Variants in MEGF8 observed in about 807,000 individuals in gnomAD.
MEGF8 encodes the protein multiple epidermal growth factor-like domains protein 8.
MEGF8 carries 156 observed loss-of-function variants against 302.9 expected under a neutral mutation model. The observed-to-expected ratio is 0.52, with a 90% confidence interval of 0.45 to 0.59. MEGF8 has a LOEUF of 0.59. Ranked by LOEUF, MEGF8 falls within the 20% of genes least tolerant of loss-of-function variation. The pLI, the probability that MEGF8 is intolerant of heterozygous loss-of-function variation, is 0.00. For synonymous variants in MEGF8, 1,621 were observed against 1,660.5 expected, an observed-to-expected ratio of 0.98 and a Z score of 0.58; for missense variants, 3,345 against 3,964.5, an observed-to-expected ratio of 0.84 and a Z score of 4.20.
chr19:42,354,729 G>A lies in MEGF8; in HGVS notation c.4144+9G>A. The A allele has an allele frequency of 6.3e-7, 1 of 1,593,264 alleles. No homozygotes were observed. Reference sequence around the variant, plus strand: ...TGTTCAGGCCCTGTCTGGTACGGGGGCTAGGGGAAGTGGGACCTCTTAGTC... The same window carrying A: ...TGTTCAGGCCCTGTCTGGTACGGGGACTAGGGGAAGTGGGACCTCTTAGTC... On this transcript the variant is annotated intron_variant, in intron 23 of 41. Coordinates refer to ENST00000251268, the MANE Select transcript of MEGF8 (RefSeq NM_001271938.2). The surrounding 1 kb of genome is among the most constrained non-coding windows in gnomAD (Gnocchi z 4.3).
rs776180750 is a variant in MEGF8, at chr19:42,356,299, C to T, written c.4504-36C>T. ...CCCAGGCCTGGCACTTTGTCCTGAC[C>T]CTAGCCTGATCCCCAATGTCCGCAC... On this transcript the variant is annotated intron_variant, in intron 25 of 41. Transcript: ENST00000251268. The surrounding 1 kb of genome is among the most constrained non-coding windows in gnomAD (Gnocchi z 5.2). 1.9e-6 allele frequency: 3 copies of T among 1,591,800 alleles called. No homozygotes were observed. In the African/African-American group the frequency reaches 4.0e-5, roughly 21 times the overall value.
intron 1 of MEGF8, among the ~76,000 whole-genome samples, chr19:42,326,699 G>A (rs1160401932): frequency 1.3e-5 from 2 of 151,418 alleles, no homozygotes; most frequent in African/African-American, 4.9e-5. Context: ...CAGGGTCTGG[G>A]TCCAATCATT....
chr19:42,353,868 G>C lies in MEGF8; in HGVS notation c.3855G>C (p.Leu1285=). The change falls in exon 22 of 42, where the codon CTG becomes CTC. Residue 1285 remains leucine, a synonymous_variant. Coordinates refer to ENST00000251268, the MANE Select transcript of MEGF8 (RefSeq NM_001271938.2). This position sits in a 1 kb window ranked among gnomAD's most constrained non-coding sequence, Gnocchi z 6.1. ...VALGSRRVGG[L]LPPGGGAARA... Reference sequence around the variant, plus strand: ...TGGGCTCACGCCGGGTCGGGGGGCTGCTGCCTCCAGGTGGCGGGGCTGCAA... The same window carrying C: ...TGGGCTCACGCCGGGTCGGGGGGCTCCTGCCTCCAGGTGGCGGGGCTGCAA... 1 of 1,601,296 alleles carries C rather than the reference G, an allele frequency of 6.2e-7. No homozygotes were observed. Among genetic ancestry groups the C allele is most frequent in the Non-Finnish European group, 8.5e-7 (1 of 1,174,274 alleles).
rs912488220 is a variant in MEGF8, at chr19:42,376,726, G to A, written c.8489G>A (p.Gly2830Asp). Residue 2830 changes from glycine (G) to aspartate (D), a missense_variant, in exon 42 of 42, where the codon GGC becomes GAC. Gly to Asp is a moderately conservative substitution (Grantham distance 94). Transcript: ENST00000251268. The surrounding 1 kb of genome is among the most constrained non-coding windows in gnomAD (Gnocchi z 8.2). ...AGGSGHGTGA[G>D]RKGLLSQDNL... ...GGCAGTGGGCATGGGACTGGTGCGG[G>A]CCGGAAGGGACTGTTGAGCCAGGAC... is the stretch of plus-strand genomic sequence containing the variant. 1.5e-5 allele frequency: 22 copies of A among 1,484,688 alleles called. No homozygotes were observed. The highest frequency in any genetic ancestry group is 1.9e-5 in the Non-Finnish European group (21 of 1,118,734). The allele number at this position is 1,484,688 out of a possible 1,614,324, so 92.0% of individuals were successfully genotyped here.
intron 14 of MEGF8, 112 bp from the exon 15 acceptor site, chr19:42,350,036 C>G (rs767318700): frequency 2.2e-5 from 18 of 826,160 alleles, no homozygotes; most frequent in Non-Finnish European, 3.5e-5. Flanking sequence ...ATCCTGACTT[C>G]CTATGTGCCT....
rs2039498165 is a variant in MEGF8 at position 42,359,253 on chromosome 19, A to G, written c.5488+11A>G. 1 of 1,540,542 alleles carries G rather than the reference A, an allele frequency of 6.5e-7. No homozygotes were observed. Among genetic ancestry groups the G allele is most frequent in the Non-Finnish European group, 8.8e-7 (1 of 1,142,072 alleles). ...TGCCCGACCTCACCCGTAAGTCCCC[A>G]TTGTGGCTCCCAGGAGGCTGAGGGA... On this transcript the variant is annotated intron_variant, in intron 31 of 41. Coordinates refer to ENST00000251268, the MANE Select transcript of MEGF8 (RefSeq NM_001271938.2).
chr19:42,328,626 C>G (rs1484197228), intron 1 of MEGF8, among the ~76,000 whole-genome samples: 2 of 142,774 alleles, frequency 1.4e-5, no homozygotes, highest in Admixed American at 1.4e-4. Flanking sequence ...AAATCACTCT[C>G]TGGCCTTAAA....
In MEGF8 at chr19:42,354,757, G is replaced by A; in HGVS notation, c.4144+37G>A. On this transcript the variant is annotated intron_variant, in intron 23 of 41. Transcript: ENST00000251268. This position sits in a 1 kb window ranked among gnomAD's most constrained non-coding sequence, Gnocchi z 4.3. ...AGGGGAAGTGGGACCTCTTAGTCCT[G>A]GGCTATGTATCCCTTGCCCCTGAAC... is the stretch of plus-strand genomic sequence containing the variant. 4.5e-6 allele frequency: 7 copies of A among 1,571,282 alleles called. No individual in the cohort carries two copies. The highest frequency in any genetic ancestry group is 6.0e-6 in the Non-Finnish European group (7 of 1,159,492).
Position 42,368,151 on chromosome 19 carries a change from C to T in MEGF8, c.6274-304C>T, listed in dbSNP as rs915795693. Among the ~76,000 whole-genome samples, 2 of 152,312 alleles carry T rather than the reference C, an allele frequency of 1.3e-5. No homozygotes were observed. The highest frequency in any genetic ancestry group is 3.9e-4 in the East Asian group (2 of 5,182). On this transcript the variant is annotated intron_variant, in intron 35 of 41. Transcript: ENST00000251268. This position sits in a 1 kb window ranked among gnomAD's most constrained non-coding sequence, Gnocchi z 4.9. ...CAGGCTGGTCTGGAACTCTTGGGCTCAAGTGATCCTCCCACTGTAGCCTCC... is the reference window on the plus strand; with the variant it reads ...CAGGCTGGTCTGGAACTCTTGGGCTTAAGTGATCCTCCCACTGTAGCCTCC...
Position 42,358,216 on chromosome 19 carries a change from A to T in MEGF8, c.5084A>T (p.His1695Leu), listed in dbSNP as rs779216381. Residue 1695 changes from histidine to leucine, a missense_variant, in exon 29 of 42, where the codon CAT (histidine) becomes CTT (leucine). His to Leu is a moderately conservative substitution (Grantham distance 99). Transcript: ENST00000251268. The surrounding 1 kb of genome is among the most constrained non-coding windows in gnomAD (Gnocchi z 4.4). ...TACGTGTTTGGGGGGTTCCGATTCCATGTGGAGCTGGCGGCCCCATCCCCC... is the reference window on the plus strand; with the variant it reads ...TACGTGTTTGGGGGGTTCCGATTCCTTGTGGAGCTGGCGGCCCCATCCCCC... ...SLYVFGGFRF[H>L]VELAAPSPEL... 1 of 1,604,444 alleles carries T rather than the reference A, an allele frequency of 6.2e-7. No individual in the cohort carries two copies. Among genetic ancestry groups the T allele is most frequent in the Non-Finnish European group, 8.5e-7 (1 of 1,175,946 alleles).
intron 12 of MEGF8, among the ~76,000 whole-genome samples, chr19:42,345,118 C>T (rs1291775922): frequency 1.3e-5 from 2 of 152,122 alleles, no homozygotes; most frequent in Non-Finnish European, 2.9e-5. Context: ...ATTACAGATG[C>T]CCGCCACTGC....
intron 8 of MEGF8, among the ~76,000 whole-genome samples, chr19:42,341,413 A>T (rs558913061): frequency 1.5e-5 from 2 of 134,634 alleles, no homozygotes; most frequent in Admixed American, 8.0e-5. Flanking sequence ...TGGGTAACAG[A>T]GGGATACTCC....
intron 23 of MEGF8, 148 bp from the exon 24 acceptor site, chr19:42,355,610 G>C (rs1249911067): frequency 6.9e-6 from 8 of 1,159,024 alleles, no homozygotes; most frequent in Non-Finnish European, 9.4e-6. Flanking sequence ...CTGAGGGAGG[G>C]GGTGCAGAAT....
intron 31 of MEGF8, among the ~76,000 whole-genome samples, chr19:42,359,982 C>T (rs1472215568): frequency 6.8e-6 from 1 of 146,426 alleles, no homozygotes; most frequent in East Asian, 2.0e-4. Flanking sequence ...TTCCCTTTTT[C>T]TCTTAATCTG....
intron 12 of MEGF8, among the ~76,000 whole-genome samples, chr19:42,346,572 G>A (rs556194083): frequency 1.3e-5 from 2 of 152,170 alleles, no homozygotes; most frequent in Non-Finnish European, 2.9e-5. Context: ...AGCTACCTGG[G>A]AGGCTGAGGG....
intron 41 of MEGF8, among the ~76,000 whole-genome samples, chr19:42,373,577 T>C (rs1261143566): frequency 6.9e-6 from 1 of 144,996 alleles, no homozygotes; most frequent in Non-Finnish European, 1.5e-5. Context: ...ATTTTTTTTT[T>C]AGAGATGGGG....
chr19:42,343,240 A>G (rs2039239516), intron 8 of MEGF8, among the ~76,000 whole-genome samples: 1 of 152,198 alleles, frequency 6.6e-6, no homozygotes, highest in Admixed American at 6.5e-5. Flanking sequence ...TAAGTGGTAG[A>G]TGCAGGATTT....
At chr19:42,350,054 C>A in intron 14 of MEGF8, 94 bp from the exon 15 acceptor site, 1 of 1,024,522 alleles carries the variant, frequency 9.8e-7, no homozygotes, top group Non-Finnish European at 1.5e-6. Context: ...CCTGAGTTCT[C>A]AACCTGGGCT....
chr19:42,333,513 A>T lies in MEGF8; in HGVS notation c.188-92A>T, dbSNP rs947465886. On this transcript the variant is annotated intron_variant, in intron 1 of 41. Coordinates refer to ENST00000251268, the MANE Select transcript of MEGF8 (RefSeq NM_001271938.2). ...TTCTTGAGCCCCCAGCATCACCTGG[A>T]TCAGGGTTTGGTGTACAATTGTGGG... The T allele has an allele frequency of 2.9e-6, 4 of 1,382,756 alleles. No homozygotes were observed. In the African/African-American group the frequency reaches 5.7e-5, roughly 20 times the overall value. 85.7% of individuals were successfully genotyped at this position (1,382,756 alleles called of 1,614,324 possible). A position where few individuals can be genotyped will look rare whatever the true frequency, so the allele number is the denominator to read the frequency against.
Sources: allele counts gnomAD v4.1 joint callset (sites outside exome capture counted in the v4.1 genomes callset), GRCh38; gene constraint gnomAD v4.1.1; non-coding constraint Gnocchi (gnomAD v3.1); transcripts MANE v1.5; gene names NCBI Gene and HGNC (gene_info 2026-07-23, HGNC 2026-07-21).